Variants in COL5A1 observed in about 807,000 individuals in gnomAD.
COL5A1 encodes the protein collagen alpha-1(V) chain.
COL5A1 carries 16 observed loss-of-function variants against 263.7 expected under a neutral mutation model. The ratio of observed to expected loss-of-function variants is 0.06; its 90% CI spans 0.04 to 0.09. The LOEUF is 0.09. COL5A1 is among the 10% of genes least tolerant of loss of function. The probability of loss-of-function intolerance (pLI) is 1.00; values close to 1 mark genes in which losing one functional copy is unlikely to be tolerated. For synonymous variants in COL5A1, 1,012 were observed against 1,004.5 expected (o/e 1.01, Z -0.14); for missense variants, 2,036 against 2,540.5 (o/e 0.80, Z 4.27).
In COL5A1 at chr9:134,742,052, G is replaced by A. The variant is rs1835324272; in HGVS notation, c.1494+3244G>A. The stretch of plus-strand genomic sequence containing the variant: ...TGCACCTGTGCCGTGGCATCCCACT[G>A]GGTATCATGCAGCCCTGACCAGCTG... On this transcript the variant is annotated intron_variant, in intron 11 of 65. Transcript: ENST00000371817. This position sits in a 1 kb window ranked among gnomAD's most constrained non-coding sequence, Gnocchi z 4.6. 6.6e-6 allele frequency among the ~76,000 whole-genome samples: 1 copy of A among 152,200 alleles called. No homozygotes were observed. Among genetic ancestry groups the A allele is most frequent in the Non-Finnish European group, 1.5e-5 (1 of 68,032 alleles).
At position 134,757,677 on chromosome 9, in the gene COL5A1, AT is replaced by A. The variant is rs1356332268; in HGVS notation, c.1882-565del. 1.3e-5 allele frequency among the ~76,000 whole-genome samples: 2 copies of A among 152,146 alleles called. No individual in the cohort carries two copies. The highest frequency in any genetic ancestry group is 4.8e-5 in the African/African-American group (2 of 41,432). The stretch of plus-strand genomic sequence containing the variant: ...CATGGCTGAAAGCCTAAAATGTCCC[AT>A]CATCGACATCACCCCAGATGGTGTG... On this transcript the variant is annotated intron_variant, in intron 17 of 65. Transcript: ENST00000371817. The surrounding 1 kb of genome is among the most constrained non-coding windows in gnomAD (Gnocchi z 6.2).
intron 27 of COL5A1, among the ~76,000 whole-genome samples, chr9:134,777,328 C>CG (rs1244539530): frequency 6.6e-6 from 1 of 152,238 alleles, no homozygotes; most frequent in Non-Finnish European, 1.5e-5. Context: ...TGCTCCTTCC[C>CG]GGGGCGGCTG....
intron 27 of COL5A1, among the ~76,000 whole-genome samples, chr9:134,777,634 T>G (rs959985847): frequency 6.6e-6 from 1 of 151,966 alleles, no homozygotes; most frequent in African/African-American, 2.4e-5. Flanking sequence ...CCTCAAACGG[T>G]AGAACTGTAG....
Position 134,806,211 on chromosome 9 carries a change from C to T in COL5A1, c.3281C>T (p.Pro1094Leu). ...GPAGSPGERG[P>L]AGAAGPIGIP... ...CAGGGATCTCCAGGGGAGAGAGGTC[C>T]AGCTGGAGCCGCTGGGCCCATCGGA... Residue 1094 changes from proline to leucine, a missense_variant, in exon 42 of 66, where the codon CCA (proline) becomes CTA (leucine). This residue lies in a region of COL5A1 where 1,078 missense variants were observed against 1,521.4 expected (regional missense o/e 0.71). Transcript: ENST00000371817. The T allele has an allele frequency of 1.9e-6, 3 of 1,550,726 alleles. No individual in the cohort carries two copies. The highest frequency in any genetic ancestry group is 1.2e-5 in the South Asian group (1 of 84,034).
Position 134,696,078 on chromosome 9 carries a change from C to T in COL5A1, c.278-3831C>T, listed in dbSNP as rs546456838. Among the ~76,000 whole-genome samples, 3 of 152,154 alleles carry T rather than the reference C, an allele frequency of 2.0e-5. No individual in the cohort carries two copies. Among genetic ancestry groups the T allele is most frequent in the Admixed American group, 6.5e-5 (1 of 15,274 alleles). On this transcript the variant is annotated intron_variant, in intron 2 of 65. Coordinates refer to ENST00000371817, the MANE Select transcript of COL5A1 (RefSeq NM_000093.5). The surrounding 1 kb of genome is among the most constrained non-coding windows in gnomAD (Gnocchi z 4.3). The stretch of plus-strand genomic sequence containing the variant: ...CCTCAGCCGCCCCCCAGGTTCCTGG[C>T]CCCCTGTCCAAAGTTAGCCACACCC...
intron 4 of COL5A1, 87 bp downstream of exon 4, chr9:134,701,420 G>A (rs1033904743): frequency 2.9e-5 from 40 of 1,390,008 alleles, no homozygotes; most frequent in Admixed American, 1.1e-4. Flanking sequence ...GAGGCTCCTC[G>A]GGCCGGGACC....
chr9:134,696,882 AAC>A lies in COL5A1; in HGVS notation c.278-3024_278-3023del, dbSNP rs1833493979. On this transcript the variant is annotated intron_variant, in intron 2 of 65. Coordinates refer to ENST00000371817, the MANE Select transcript of COL5A1 (RefSeq NM_000093.5). The surrounding 1 kb of genome is among the most constrained non-coding windows in gnomAD (Gnocchi z 4.3). ...TCAGGAGATCGAGACCATCCTGGCT[AAC>A]ACGGTGAAACCCCATCCCTACTAAA... 6.6e-6 allele frequency among the ~76,000 whole-genome samples: 1 copy of A among 152,080 alleles called. No individual in the cohort carries two copies. The highest frequency in any genetic ancestry group is 6.5e-5 in the Admixed American group (1 of 15,280).
chr9:134,712,133 C>A (rs1246075800), intron 4 of COL5A1, among the ~76,000 whole-genome samples: 2 of 103,642 alleles, frequency 1.9e-5, no homozygotes, highest in African/African-American at 3.7e-5. Context: ...CCTTCCTGTT[C>A]CCCCTCTTTC....
At position 134,814,729 on chromosome 9, in the gene COL5A1, A is replaced by G; in HGVS notation, c.3907-68A>G. 1.1e-5 allele frequency: 13 copies of G among 1,178,940 alleles called. No individual in the cohort carries two copies. The South Asian group carries it at 1.7e-4, about 15-fold the overall frequency. 73.0% of individuals were successfully genotyped at this position (1,178,940 alleles called of 1,614,324 possible). A position where few individuals can be genotyped will look rare whatever the true frequency, so the allele number is the denominator to read the frequency against. On this transcript the variant is annotated intron_variant, in intron 49 of 65. Coordinates refer to ENST00000371817, the MANE Select transcript of COL5A1 (RefSeq NM_000093.5). The stretch of plus-strand genomic sequence containing the variant: ...TCTGAATGGGGTGAGAAAACCGGGG[A>G]GGCCCACCTTGCTCTGGGCGGCGAC...
intron 11 of COL5A1, among the ~76,000 whole-genome samples, chr9:134,746,422 C>G (rs1183485775): frequency 1.3e-5 from 2 of 152,228 alleles, no homozygotes; most frequent in Non-Finnish European, 1.5e-5. Flanking sequence ...TGCTTTGACC[C>G]AAATCCCGGC....
At position 134,763,568 on chromosome 9, in the gene COL5A1, G is replaced by A. The variant is rs1011032786; in HGVS notation, c.1990-125G>A. 3 of 961,914 alleles carry A rather than the reference G, an allele frequency of 3.1e-6. No individual in the cohort carries two copies. The African/African-American group carries it at 4.8e-5, about 15-fold the overall frequency. The allele number at this position is 961,914 out of a possible 1,614,324, so 59.6% of individuals were successfully genotyped here. A position where few individuals can be genotyped will look rare whatever the true frequency, so the allele number is the denominator to read the frequency against. On this transcript the variant is annotated intron_variant, in intron 19 of 65. Transcript: ENST00000371817. ...TTCCAGGCCTTTCCGGCTGGTACCA[G>A]AGCTGGTAAACCTGGCGTATGTGAA...
At chr9:134,796,947 AAAACCCAC>A in intron 36 of COL5A1, 46 bp downstream of exon 36, 4 of 268,240 alleles carry the variant, frequency 1.5e-5, no homozygotes, top group South Asian at 6.2e-5. Flanking sequence ...TGTCCCCTCC[AAAACCCAC>A]CTGTCCCCTC....
intron 37 of COL5A1, among the ~76,000 whole-genome samples, chr9:134,799,246 G>A (rs551771216): frequency 8.5e-5 from 13 of 152,316 alleles, no homozygotes; most frequent in Admixed American, 4.6e-4. Flanking sequence ...CATTTTCCTG[G>A]CCCCATCAGC....
At chr9:134,783,183 G>C (rs1837325077) in intron 29 of COL5A1, among the ~76,000 whole-genome samples, 1 of 152,242 alleles carries the variant, frequency 6.6e-6, no homozygotes, top group African/African-American at 2.4e-5. Context: ...CGTGGGTCTA[G>C]GATCCCTGTG....
intron 4 of COL5A1, among the ~76,000 whole-genome samples, chr9:134,705,309 C>G (rs972896207): frequency 1.3e-5 from 2 of 152,254 alleles, no homozygotes; most frequent in African/African-American, 4.8e-5. Context: ...GTGCCCGCAG[C>G]CTCCCTGGGT....
rs376457558 is a variant in COL5A1, at chr9:134,804,843, G to T, written c.3115-132G>T. 6 of 776,002 alleles carry T rather than the reference G, an allele frequency of 7.7e-6. No homozygotes were observed. In the African/African-American group the frequency reaches 8.6e-5, roughly 11 times the overall value. 48.1% of individuals were successfully genotyped at this position (776,002 alleles called of 1,614,324 possible). ...AGAGAAGGCCCCAACCCTTGGCCTC[G>T]CTCTGGGACTGGTGAGAGGTCTGCG... is the stretch of plus-strand genomic sequence containing the variant. On this transcript the variant is annotated intron_variant, in intron 39 of 65. Transcript: ENST00000371817.
At chr9:134,648,559 G>A (rs550817479) in intron 1 of COL5A1, among the ~76,000 whole-genome samples, 8 of 152,076 alleles carry the variant, frequency 5.3e-5, no homozygotes, top group African/African-American at 9.7e-5. Flanking sequence ...TAAGAAGGGG[G>A]TGGTGACTGT....
At position 134,642,087 on chromosome 9, in the gene COL5A1, C is replaced by A; in HGVS notation, c.-101C>A. On this transcript the variant is annotated 5_prime_UTR_variant, in exon 1 of 66. Coordinates refer to ENST00000371817, the MANE Select transcript of COL5A1 (RefSeq NM_000093.5). This position sits in a 1 kb window ranked among gnomAD's most constrained non-coding sequence, Gnocchi z 4.5. ...GTCCCCATGACCTCCTAAAGTGGTGCGGTCCCTGCTGAGTGCGCTGCCCGG... is the reference window on the plus strand; with the variant it reads ...GTCCCCATGACCTCCTAAAGTGGTGAGGTCCCTGCTGAGTGCGCTGCCCGG... 2 of 1,018,716 alleles carry A rather than the reference C, an allele frequency of 2.0e-6. No individual in the cohort carries two copies. Among genetic ancestry groups the A allele is most frequent in the Non-Finnish European group, 2.5e-6 (2 of 794,276 alleles). 63.1% of individuals were successfully genotyped at this position (1,018,716 alleles called of 1,614,324 possible).
chr9:134,802,103 C>T (rs1838136483), intron 38 of COL5A1, 96 bp downstream of exon 38: 2 of 1,248,318 alleles, frequency 1.6e-6, no homozygotes. Flanking sequence ...CTCCACGATT[C>T]CGGAGGTGCA....
Sources: allele counts gnomAD v4.1 joint callset (sites outside exome capture counted in the v4.1 genomes callset), GRCh38; gene constraint gnomAD v4.1.1; regional missense constraint gnomAD v4.1.1; non-coding constraint Gnocchi (gnomAD v3.1); transcripts MANE v1.5; gene names NCBI Gene and HGNC (gene_info 2026-07-23, HGNC 2026-07-21).